The following TNFSF4 variants were observed in gnomAD, a reference collection of about 807,000 sequenced individuals.
TNFSF4 encodes tumor necrosis factor ligand superfamily member 4.
Under a neutral mutation model 7.3 loss-of-function variants are expected in TNFSF4, and 4 were observed. That is an observed-to-expected ratio of 0.55 (90% CI 0.27 to 1.25). The LOEUF is 1.25. TNFSF4 is among the 50% of genes most tolerant of loss of function. TNFSF4 has a pLI of 0.12. For synonymous variants in TNFSF4, 76 were observed against 83.7 expected (o/e 0.91, Z 0.50); for missense variants, 181 against 208.8 (o/e 0.87, Z 0.82).
the TNFSF4 span, among the ~76,000 whole-genome samples, chr1:173,225,956 C>A: frequency 6.6e-6 from 1 of 152,136 alleles, no homozygotes; most frequent in Non-Finnish European, 1.5e-5. Context: ...TTAAGCACCT[C>A]ATAACCTAGT....
chr1:173,325,222 G>A, the TNFSF4 span, among the ~76,000 whole-genome samples: 951 of 152,120 alleles, frequency 6.3e-3, 7 homozygotes, highest in African/African-American at 0.021. Flanking sequence ...AGTCAAAACC[G>A]CTCAACTACA....
chr1:173,384,664 GA>G, the TNFSF4 span, among the ~76,000 whole-genome samples: 1 of 151,278 alleles, frequency 6.6e-6, no homozygotes, highest in Non-Finnish European at 1.5e-5. Flanking sequence ...CAAATTTAGA[GA>G]AAAAAAAGCG....
At chr1:173,236,892 G>A in the TNFSF4 span, among the ~76,000 whole-genome samples, 22 of 152,258 alleles carry the variant, frequency 1.4e-4, no homozygotes, top group African/African-American at 4.6e-4. Flanking sequence ...TGGATGCAAG[G>A]TTCATTCAAC....
chr1:173,193,000 TACTATATAA>T (rs1331040037), intron 1 of TNFSF4, among the ~76,000 whole-genome samples: 4 of 152,118 alleles, frequency 2.6e-5, no homozygotes, highest in African/African-American at 9.7e-5. Flanking sequence ...TTCTACATAA[TACTATATAA>T]ACTATATGAC....
the TNFSF4 span, among the ~76,000 whole-genome samples, chr1:173,406,005 C>T: frequency 1.3e-5 from 2 of 152,166 alleles, no homozygotes; most frequent in Non-Finnish European, 2.9e-5. Context: ...AGTTTGATCT[C>T]GACCCACTTC....
At chr1:173,234,744 T>G in the TNFSF4 span, among the ~76,000 whole-genome samples, 2 of 151,946 alleles carry the variant, frequency 1.3e-5, no homozygotes, top group South Asian at 4.2e-4. Flanking sequence ...AATTGAACAA[T>G]GAGAACACTT....
chr1:173,281,611 G>A, the TNFSF4 span, among the ~76,000 whole-genome samples: 2 of 152,018 alleles, frequency 1.3e-5, no homozygotes, highest in African/African-American at 4.8e-5. Context: ...AAGCTATAAT[G>A]GCTCTCTTTT....
At chr1:173,398,409 CTTTTTTTTTTTT>C in the TNFSF4 span, among the ~76,000 whole-genome samples, 7 of 101,572 alleles carry the variant, frequency 6.9e-5, no homozygotes, top group Admixed American at 3.4e-4. Flanking sequence ...TATTTCTTTT[CTTTTTTTTTTTT>C]TTTTTTTTTT....
chr1:173,390,480 CTCTG>C, the TNFSF4 span, among the ~76,000 whole-genome samples: 1 of 152,092 alleles, frequency 6.6e-6, no homozygotes, highest in Admixed American at 6.5e-5. Context: ...ACTTGTTGTA[CTCTG>C]TCTGGCATTT....
the TNFSF4 span, among the ~76,000 whole-genome samples, chr1:173,244,790 T>C: frequency 5.3e-5 from 8 of 152,124 alleles, no homozygotes; most frequent in Admixed American, 5.2e-4. Flanking sequence ...CTTTGTACTA[T>C]GTAGCTTAGC....
At chr1:173,222,069 A>G in the TNFSF4 span, among the ~76,000 whole-genome samples, 3 of 152,222 alleles carry the variant, frequency 2.0e-5, no homozygotes, top group African/African-American at 7.2e-5. Flanking sequence ...CCAAAGCTAC[A>G]GTAGCATTAT....
intron 1 of TNFSF4, among the ~76,000 whole-genome samples, chr1:173,198,666 C>G (rs1444573986): frequency 6.6e-6 from 1 of 152,096 alleles, no homozygotes; most frequent in Middle Eastern, 3.2e-3. Context: ...GCTTATTACC[C>G]CAGTGATGAA....
chr1:173,210,930 TG>T (rs890878241), upstream of TNFSF4, among the ~76,000 whole-genome samples: 5 of 152,290 alleles, frequency 3.3e-5, no homozygotes, highest in South Asian at 1.0e-3. Context: ...AGGTGAACTT[TG>T]CTTCCTAAGC....
At chr1:173,292,208 A>C in the TNFSF4 span, among the ~76,000 whole-genome samples, 5 of 152,070 alleles carry the variant, frequency 3.3e-5, no homozygotes, top group Non-Finnish European at 5.9e-5. Context: ...CAATCTCCCT[A>C]ATAAACATAG....
At chr1:173,218,603 T>A in the TNFSF4 span, among the ~76,000 whole-genome samples, 10 of 149,862 alleles carry the variant, frequency 6.7e-5, no homozygotes, top group South Asian at 4.2e-4. Flanking sequence ...CCCTAAAATT[T>A]AAAAAAAAAA....
chr1:173,252,732 G>C, the TNFSF4 span, among the ~76,000 whole-genome samples: 71 of 152,314 alleles, frequency 4.7e-4, no homozygotes, highest in Middle Eastern at 3.4e-3. Flanking sequence ...TCAGACATCA[G>C]GGGGAGCACT....
At chr1:173,432,797 T>G in the TNFSF4 span, among the ~76,000 whole-genome samples, 1 of 152,148 alleles carries the variant, frequency 6.6e-6, no homozygotes, top group Non-Finnish European at 1.5e-5. Flanking sequence ...CTTGTTCATG[T>G]AAAAACGACA....
the TNFSF4 span, among the ~76,000 whole-genome samples, chr1:173,317,350 A>G: frequency 6.6e-6 from 1 of 152,230 alleles, no homozygotes; most frequent in Non-Finnish European, 1.5e-5. Flanking sequence ...CTGTATGGTC[A>G]TTTGATTACT....
At chr1:173,435,391 T>C in the TNFSF4 span, among the ~76,000 whole-genome samples, 2 of 152,182 alleles carry the variant, frequency 1.3e-5, no homozygotes, top group African/African-American at 2.4e-5. Flanking sequence ...TGTGGCTGTA[T>C]TTGGTGTAAG....
Sources: gnomAD v4.1 joint callset for allele counts (sites outside exome capture counted in the v4.1 genomes callset) on GRCh38, gnomAD v4.1.1 for gene constraint, MANE v1.5 for transcripts, NCBI Gene and HGNC (gene_info 2026-07-23, HGNC 2026-07-21) for gene names.